Variants in DCC observed in about 807,000 individuals in gnomAD.
DCC encodes the protein netrin receptor DCC.
DCC carries 58 observed loss-of-function variants against 172.5 expected under a neutral mutation model. The observed-to-expected ratio is 0.34, with a 90% CI of 0.27 to 0.42. DCC has a LOEUF of 0.42. DCC is among the 10% of genes least tolerant of loss of function. The pLI is 1.00. For synonymous variants in DCC, 709 were observed against 644.5 expected (o/e 1.10, Z -1.52); for missense variants, 1,740 against 1,791.0 (o/e 0.97, Z 0.51).
At chr18:53,069,536 C>T (rs972438818) in intron 7 of DCC, among the ~76,000 whole-genome samples, 1 of 151,610 alleles carries the variant, frequency 6.6e-6, no homozygotes, top group Non-Finnish European at 1.5e-5. Context: ...CCAGAGAGTG[C>T]TTTGCCAACT....
At chr18:52,647,604 C>T (rs1276340082) in intron 1 of DCC, among the ~76,000 whole-genome samples, 3 of 152,146 alleles carry the variant, frequency 2.0e-5, no homozygotes, top group African/African-American at 4.8e-5. Flanking sequence ...TTGGAAACAC[C>T]GTAGGTCTGG....
intron 14 of DCC, among the ~76,000 whole-genome samples, chr18:53,332,389 AAAC>A (rs1363258377): frequency 1.3e-5 from 2 of 152,216 alleles, no homozygotes; most frequent in African/African-American, 2.4e-5. Context: ...AAAAATTACA[AAAC>A]AATGTTGAAC....
chr18:52,650,171 G>A (rs1011903028), intron 1 of DCC, among the ~76,000 whole-genome samples: 2 of 151,898 alleles, frequency 1.3e-5, no homozygotes, highest in African/African-American at 4.8e-5. Context: ...TAGAGATGGG[G>A]TTTCTCCATG....
At chr18:53,360,889 GCTT>G (rs1169215560) in intron 15 of DCC, among the ~76,000 whole-genome samples, 1 of 152,140 alleles carries the variant, frequency 6.6e-6, no homozygotes, top group Non-Finnish European at 1.5e-5. Flanking sequence ...TTTCTGAGAT[GCTT>G]CTTTAAAAGG....
intron 25 of DCC, among the ~76,000 whole-genome samples, chr18:53,476,212 C>T (rs554020501): frequency 1.2e-4 from 19 of 152,258 alleles, no homozygotes; most frequent in African/African-American, 4.3e-4. Context: ...AGATGTCGGG[C>T]TGTGGACTTT....
chr18:53,517,625 T>C (rs537276671), intron 27 of DCC, among the ~76,000 whole-genome samples: 33 of 152,046 alleles, frequency 2.2e-4, no homozygotes, highest in African/African-American at 7.0e-4. Context: ...TGACTCAGAG[T>C]AGCCCTTTCT....
chr18:52,753,903 T>A (rs1013094684), intron 2 of DCC, among the ~76,000 whole-genome samples: 1 of 152,224 alleles, frequency 6.6e-6, no homozygotes, highest in Admixed American at 6.5e-5. Context: ...CCTGTCTTTT[T>A]TTTTAACTTT....
At chr18:52,824,986 C>T (rs958913957) in intron 2 of DCC, among the ~76,000 whole-genome samples, 9 of 140,466 alleles carry the variant, frequency 6.4e-5, no homozygotes, top group African/African-American at 2.3e-4. Context: ...ATATATATGT[C>T]TTGACTAAGA....
intron 7 of DCC, among the ~76,000 whole-genome samples, chr18:53,137,160 T>C (rs997618957): frequency 2.6e-5 from 4 of 152,238 alleles, no homozygotes; most frequent in Admixed American, 6.5e-5. Flanking sequence ...ACACATTTAT[T>C]ATTTCAAAAT....
intron 12 of DCC, among the ~76,000 whole-genome samples, chr18:53,288,822 A>T (rs933478415): frequency 1.2e-4 from 19 of 152,136 alleles, no homozygotes; most frequent in Admixed American, 1.2e-3. Flanking sequence ...ACTTTAGTGG[A>T]GAATAGACTT....
intron 11 of DCC, among the ~76,000 whole-genome samples, chr18:53,208,975 C>T (rs2055703675): frequency 6.6e-6 from 1 of 152,202 alleles, no homozygotes; most frequent in East Asian, 1.9e-4. Flanking sequence ...AAGTGATCCA[C>T]CCGCCTTGGC....
At chr18:53,361,976 A>G (rs2057952872) in intron 15 of DCC, among the ~76,000 whole-genome samples, 1 of 152,158 alleles carries the variant, frequency 6.6e-6, no homozygotes, top group South Asian at 2.1e-4. Context: ...ACAAAACAGT[A>G]CTTATGGAAA....
chr18:52,759,372 G>C (rs187876318), intron 2 of DCC, among the ~76,000 whole-genome samples: 148 of 152,178 alleles, frequency 9.7e-4, no homozygotes, highest in African/African-American at 3.3e-3. Flanking sequence ...ACTTGACAAG[G>C]CTTTTTATAG....
At chr18:53,127,836 G>A (rs1042247503) in intron 7 of DCC, among the ~76,000 whole-genome samples, 4 of 152,092 alleles carry the variant, frequency 2.6e-5, no homozygotes, top group African/African-American at 9.7e-5. Flanking sequence ...AATCCAAACA[G>A]TGTGCCATTC....
At chr18:53,030,749 G>T (rs1450288522) in intron 5 of DCC, among the ~76,000 whole-genome samples, 1 of 152,156 alleles carries the variant, frequency 6.6e-6, no homozygotes, top group Admixed American at 6.6e-5. Context: ...ACGGAGCACA[G>T]TGTTAGTTGC....
intron 2 of DCC, among the ~76,000 whole-genome samples, chr18:52,835,080 T>G (rs1458668438): frequency 1.3e-5 from 2 of 152,242 alleles, no homozygotes; most frequent in Non-Finnish European, 2.9e-5. Context: ...TTAAATGCAC[T>G]TTAGTAATTC....
At chr18:53,276,005 G>T (rs149420833) in intron 12 of DCC, among the ~76,000 whole-genome samples, 128 of 152,064 alleles carry the variant, frequency 8.4e-4, no homozygotes, top group African/African-American at 3.0e-3. Flanking sequence ...ACATATCAAA[G>T]ATTTTATTCA....
At chr18:52,412,372 G>T (rs1409967220) in intron 1 of DCC, among the ~76,000 whole-genome samples, 1 of 152,012 alleles carries the variant, frequency 6.6e-6, no homozygotes, top group East Asian at 1.9e-4. Context: ...TGCCTATGAA[G>T]ATTTAATATT....
intron 2 of DCC, among the ~76,000 whole-genome samples, chr18:52,799,977 C>T (rs184040895): frequency 6.7e-4 from 102 of 152,282 alleles, no homozygotes; most frequent in African/African-American, 2.3e-3. Flanking sequence ...GGTAGTTCTT[C>T]ACTTTGAATC....
Sources: allele counts gnomAD v4.1 joint callset (sites outside exome capture counted in the v4.1 genomes callset), GRCh38; gene constraint gnomAD v4.1.1; transcripts MANE v1.5; gene names NCBI Gene and HGNC (gene_info 2026-07-23, HGNC 2026-07-21).